The following PDE1C variants were observed in gnomAD, a reference collection of about 807,000 sequenced individuals.
The protein encoded by PDE1C is dual specificity calcium/calmodulin-dependent 3',5'-cyclic nucleotide phosphodiesterase 1C.
A neutral mutation model predicts 93.1 loss-of-function variants in PDE1C; 62 were observed. The observed-to-expected ratio is 0.67, with a 90% confidence interval of 0.54 to 0.82. The LOEUF is 0.82. Ranked by LOEUF, PDE1C falls within the 40% of genes least tolerant of loss-of-function variation. The probability of loss-of-function intolerance (pLI) is 0.00; values close to 1 mark genes in which losing one functional copy is unlikely to be tolerated. For missense variants in PDE1C, 742 were observed against 884.6 expected, an observed-to-expected ratio of 0.84 and a Z score of 2.04; for synonymous variants, 325 against 310.1, an observed-to-expected ratio of 1.05 and a Z score of -0.50.
At chr7:32,179,241 A>G (rs1048761386) in intron 2 of PDE1C, among the ~76,000 whole-genome samples, 1 of 150,690 alleles carries the variant, frequency 6.6e-6, no homozygotes, top group African/African-American at 2.4e-5. Context: ...GCCTTATCGC[A>G]ACTAGGAAGA....
At chr7:31,979,277 G>T (rs1032191663) in intron 2 of PDE1C, among the ~76,000 whole-genome samples, 2 of 152,078 alleles carry the variant, frequency 1.3e-5, no homozygotes, top group Non-Finnish European at 2.9e-5. Context: ...TCTTGGTGTT[G>T]TTACTTACCA....
chr7:32,217,500 C>G (rs977683326), intron 1 of PDE1C, among the ~76,000 whole-genome samples: 1 of 152,202 alleles, frequency 6.6e-6, no homozygotes, highest in African/African-American at 2.4e-5. Context: ...GCTTGACAAG[C>G]CTGGGATCTG....
intron 3 of PDE1C, among the ~76,000 whole-genome samples, chr7:32,134,424 C>A (rs1800089614): frequency 6.6e-6 from 1 of 151,840 alleles, no homozygotes; most frequent in South Asian, 2.1e-4. Flanking sequence ...AGAAGAGGCC[C>A]AGGATGAAGC....
intron 2 of PDE1C, among the ~76,000 whole-genome samples, chr7:32,025,916 G>C (rs1359323771): frequency 1.3e-5 from 2 of 152,140 alleles, no homozygotes; most frequent in East Asian, 3.9e-4. Flanking sequence ...CGTGCTGGCA[G>C]CGTCTGTTCC....
chr7:31,933,998 C>T (rs2128986524), intron 2 of PDE1C, among the ~76,000 whole-genome samples: 3 of 152,272 alleles, frequency 2.0e-5, no homozygotes, highest in African/African-American at 7.2e-5. Context: ...AAATGAATTT[C>T]ACTTTTTCAA....
At chr7:31,778,821 A>G (rs928297965) in intron 16 of PDE1C, among the ~76,000 whole-genome samples, 1 of 152,180 alleles carries the variant, frequency 6.6e-6, no homozygotes, top group African/African-American at 2.4e-5. Context: ...GGATTTGAAG[A>G]CAATTTTTGT....
intron 1 of PDE1C, among the ~76,000 whole-genome samples, chr7:32,274,677 C>T (rs1025458001): frequency 1.4e-4 from 21 of 152,028 alleles, no homozygotes; most frequent in Admixed American, 3.9e-4. Context: ...TACACAGAAT[C>T]GAGAAACTTC....
the PDE1C span, among the ~76,000 whole-genome samples, chr7:31,734,985 G>C: frequency 2.6e-5 from 4 of 152,268 alleles, no homozygotes; most frequent in Middle Eastern, 0.01. Flanking sequence ...CCCCCAATCA[G>C]CATCTTTTGA....
the PDE1C span, among the ~76,000 whole-genome samples, chr7:31,674,000 A>T: frequency 6.6e-6 from 1 of 152,190 alleles, no homozygotes. Flanking sequence ...AAAGCTTACT[A>T]TGTGTGTATT....
chr7:32,028,480 C>A (rs138128255), intron 2 of PDE1C, among the ~76,000 whole-genome samples: 97 of 152,192 alleles, frequency 6.4e-4, no homozygotes, highest in African/African-American at 2.3e-3. Flanking sequence ...TGAAAACCAG[C>A]TCAACTTCAG....
At chr7:31,864,524 G>C (rs1418897997) in intron 7 of PDE1C, among the ~76,000 whole-genome samples, 1 of 152,146 alleles carries the variant, frequency 6.6e-6, no homozygotes, top group African/African-American at 2.4e-5. Context: ...CTGTGAAAAA[G>C]ACTTAGTGGC....
intron 2 of PDE1C, among the ~76,000 whole-genome samples, chr7:32,037,073 C>A (rs1192171617): frequency 6.6e-6 from 1 of 152,156 alleles, no homozygotes; most frequent in Admixed American, 6.5e-5. Context: ...ACCAGCCTTA[C>A]AAAAGCTGAG....
chr7:32,402,878 C>T (rs1167181546), intron 1 of PDE1C, among the ~76,000 whole-genome samples: 2 of 152,314 alleles, frequency 1.3e-5, no homozygotes, highest in South Asian at 2.1e-4. Flanking sequence ...AAAGAAAGTT[C>T]ATTATGTTGG....
intron 14 of PDE1C, among the ~76,000 whole-genome samples, chr7:31,817,952 T>C (rs1005185387): frequency 6.6e-6 from 1 of 152,146 alleles, no homozygotes; most frequent in African/African-American, 2.4e-5. Flanking sequence ...ATATATTATG[T>C]TTTCATTCAT....
At chr7:31,902,775 T>C (rs1434048966) in intron 2 of PDE1C, among the ~76,000 whole-genome samples, 1 of 151,158 alleles carries the variant, frequency 6.6e-6, no homozygotes, top group Admixed American at 6.6e-5. Flanking sequence ...AATTTAGAAT[T>C]ATGTAATATA....
At chr7:31,959,007 T>C (rs1291925756) in intron 2 of PDE1C, among the ~76,000 whole-genome samples, 1 of 151,992 alleles carries the variant, frequency 6.6e-6, no homozygotes, top group Non-Finnish European at 1.5e-5. Context: ...TACAAAAATC[T>C]CAGGAGTGAT....
the PDE1C span, among the ~76,000 whole-genome samples, chr7:31,619,838 A>T: frequency 1.3e-5 from 2 of 152,186 alleles, no homozygotes; most frequent in Non-Finnish European, 2.9e-5. Context: ...GGGGTCAGGG[A>T]GTTCCCTTTC....
rs149008018 is a variant in PDE1C, at chr7:32,248,953, A to G, written c.86-39414T>C. 4.7e-3 allele frequency among the ~76,000 whole-genome samples: 721 copies of G among 152,296 alleles called. 4 individuals are homozygous for G. The highest frequency in any genetic ancestry group is 7.6e-3 in the Non-Finnish European group (515 of 68,020). On this transcript the variant is annotated intron_variant, in intron 1 of 18. Transcript: ENST00000396193. ...TTTATGGCAAGGAAGAGAAGTGTCC[A>G]TAGTCTTCAGGTGTATGAAGGGCTG...
the PDE1C span, among the ~76,000 whole-genome samples, chr7:31,715,675 G>C: frequency 6.6e-6 from 1 of 152,212 alleles, no homozygotes; most frequent in Non-Finnish European, 1.5e-5. Flanking sequence ...ACTAGTAGAT[G>C]TAACTTTCAT....
Sources: gnomAD v4.1 joint callset for allele counts (sites outside exome capture counted in the v4.1 genomes callset) on GRCh38, gnomAD v4.1.1 for gene constraint, MANE v1.5 for transcripts, NCBI Gene and HGNC (gene_info 2026-07-23, HGNC 2026-07-21) for gene names.